The following PHLPP2 variants were observed in gnomAD, a reference collection of about 807,000 sequenced individuals.
PHLPP2 encodes the protein PH domain leucine-rich repeat-containing protein phosphatase 2.
Under a neutral mutation model 124.9 loss-of-function variants are expected in PHLPP2, and 66 were observed. That is an observed-to-expected ratio of 0.53 (90% CI 0.43 to 0.65). PHLPP2 has a LOEUF of 0.65. Ranked by LOEUF, PHLPP2 falls within the 30% of genes least tolerant of loss-of-function variation. The pLI is 0.00. For missense variants in PHLPP2, 1,685 were observed against 1,600.4 expected, an observed-to-expected ratio of 1.05 and a Z score of -0.90; for synonymous variants, 681 against 624.7, an observed-to-expected ratio of 1.09 and a Z score of -1.34.
chr16:71,670,274 A>C (rs776564813), intron 10 of PHLPP2, among the ~76,000 whole-genome samples: 1 of 152,198 alleles, frequency 6.6e-6, no homozygotes, highest in Non-Finnish European at 1.5e-5. Context: ...AACTGCAGTA[A>C]ATGAGGTCAC....
intron 15 of PHLPP2, among the ~76,000 whole-genome samples, chr16:71,657,360 G>T (rs890084108): frequency 6.6e-6 from 1 of 150,464 alleles, no homozygotes; most frequent in African/African-American, 2.4e-5. Context: ...TTACAGGCGT[G>T]AGCCACCACG....
At chr16:71,723,846 GC>G (rs1215609127) in intron 1 of PHLPP2, 7 of 1,224,352 alleles carry the variant, frequency 5.7e-6, no homozygotes, top group South Asian at 2.8e-5. Flanking sequence ...GGGCCCGCGG[GC>G]CCCGGCTCCA....
chr16:71,665,072 G>A (rs913889690), intron 12 of PHLPP2, among the ~76,000 whole-genome samples: 2 of 152,188 alleles, frequency 1.3e-5, no homozygotes, highest in Admixed American at 6.5e-5. Flanking sequence ...CACTTTGGGA[G>A]GCCAAGGTGG....
At chr16:71,664,619 G>A (rs1292580668) in intron 12 of PHLPP2, among the ~76,000 whole-genome samples, 1 of 152,098 alleles carries the variant, frequency 6.6e-6, no homozygotes, top group Non-Finnish European at 1.5e-5. Context: ...GGGTGTGGTG[G>A]TGCACTCCTG....
chr16:71,693,358 A>G (rs1197991222), intron 3 of PHLPP2, among the ~76,000 whole-genome samples: 1 of 152,180 alleles, frequency 6.6e-6, no homozygotes, highest in Non-Finnish European at 1.5e-5. Flanking sequence ...GCTCCTTCTC[A>G]CAACTCAAGC....
intron 14 of PHLPP2, 144 bp from the exon 15 acceptor site, chr16:71,658,507 G>A: frequency 1.7e-6 from 2 of 1,173,860 alleles, no homozygotes; most frequent in Non-Finnish European, 2.4e-6. Context: ...GTCCCAAACT[G>A]GAGCACATAA....
intron 8 of PHLPP2, chr16:71,677,269 G>C (rs1425245224): frequency 6.5e-6 from 1 of 154,152 alleles, no homozygotes; most frequent in Non-Finnish European, 1.4e-5. Context: ...TGGGCACTAA[G>C]TAGGACAAAG....
At chr16:71,688,608 GT>G (rs371183298) in intron 4 of PHLPP2, among the ~76,000 whole-genome samples, 214 of 125,626 alleles carry the variant, frequency 1.7e-3, no homozygotes, top group African/African-American at 2.8e-3. Context: ...TTCTCTGTGG[GT>G]TTTTTTTTTT....
rs111539458 is a variant in PHLPP2 at position 71,672,035 on chromosome 16, T to C, written c.1532+227A>G. 3.4e-3 allele frequency among the ~76,000 whole-genome samples: 513 copies of C among 152,286 alleles called. 4 individuals are homozygous for C. The highest frequency in any genetic ancestry group is 0.012 in the African/African-American group (481 of 41,568). On this transcript the variant is annotated intron_variant, in intron 10 of 18. Transcript: ENST00000568954. Reference sequence around the variant, plus strand: ...TTGTTTGCATCTCATCCTACATCTATAGTCTTTAAGAAAGAGTAATTCACA... The same window carrying C: ...TTGTTTGCATCTCATCCTACATCTACAGTCTTTAAGAAAGAGTAATTCACA...
chr16:71,700,675 G>A (rs1396836234), intron 3 of PHLPP2, among the ~76,000 whole-genome samples: 5 of 151,766 alleles, frequency 3.3e-5, no homozygotes, highest in East Asian at 3.9e-4. Context: ...ATAGGTGCCC[G>A]CCACCAGGCC....
chr16:71,655,014 T>C (rs923868413), intron 17 of PHLPP2: 12 of 488,386 alleles, frequency 2.5e-5, no homozygotes, highest in Admixed American at 2.3e-4. Flanking sequence ...TCCCAGATCC[T>C]CAGCAGCCTT....
At chr16:71,698,180 G>C (rs1279193674) in intron 3 of PHLPP2, among the ~76,000 whole-genome samples, 1 of 152,126 alleles carries the variant, frequency 6.6e-6, no homozygotes, top group Non-Finnish European at 1.5e-5. Flanking sequence ...GCATTAAGAG[G>C]GGGCAGCACA....
chr16:71,720,647 CT>C (rs1025497924), intron 1 of PHLPP2, among the ~76,000 whole-genome samples: 5 of 150,098 alleles, frequency 3.3e-5, no homozygotes, highest in Admixed American at 3.3e-4. Context: ...GGCGGATCAC[CT>C]GAGGCCAGGA....
At chr16:71,681,355 G>A (rs1379460655) in intron 6 of PHLPP2, among the ~76,000 whole-genome samples, 2 of 152,172 alleles carry the variant, frequency 1.3e-5, no homozygotes, top group East Asian at 1.9e-4. Flanking sequence ...GGCAGTGGAA[G>A]GTACAAAGAG....
Position 71,716,005 on chromosome 16 carries a change from A to C in PHLPP2, c.-6-1204T>G, listed in dbSNP as rs984317119. Among the ~76,000 whole-genome samples the C allele has an allele frequency of 2.0e-5, 3 of 151,990 alleles. No homozygotes were observed. In the South Asian group the frequency reaches 6.2e-4, roughly 31 times the overall value. On this transcript the variant is annotated intron_variant, in intron 1 of 18. Coordinates refer to ENST00000568954, the MANE Select transcript of PHLPP2 (RefSeq NM_015020.3). ...AGACTCTGTCTCAAAAAAAAAAAAA[A>C]AACTTTAATCTATAAACCATACACA...
intron 3 of PHLPP2, 59 bp downstream of exon 3, chr16:71,702,539 G>C: frequency 7.2e-7 from 1 of 1,392,100 alleles, no homozygotes; most frequent in East Asian, 2.3e-5. Flanking sequence ...CGGCAGATAA[G>C]AGGCACAAAT....
rs756924434 is a variant in PHLPP2, at chr16:71,648,919, G to T, written c.3943C>A (p.Pro1315Thr). The stretch of plus-strand genomic sequence containing the variant: ...AGTGCTGTGTCGAACTCCTCCGGGG[G>T]CTCGGTCCGATCCTCTTCATGGGGC... ...PEPHEEDRTE[P>T]PEEFDTAL The change falls in exon 19 of 19, where the codon CCC becomes ACC. Residue 1315 changes from proline (P) to threonine (T), a missense_variant. Transcript: ENST00000568954. 1 of 1,612,546 alleles carries T rather than the reference G, an allele frequency of 6.2e-7. No individual in the cohort carries two copies. The highest frequency in any genetic ancestry group is 1.3e-5 in the African/African-American group (1 of 74,886).
intron 3 of PHLPP2, among the ~76,000 whole-genome samples, chr16:71,695,238 C>G (rs2045157866): frequency 6.6e-6 from 1 of 152,086 alleles, no homozygotes. Context: ...AACCTATAAC[C>G]CAATAATTTC....
intron 11 of PHLPP2, among the ~76,000 whole-genome samples, chr16:71,669,030 C>A (rs1339207797): frequency 6.6e-6 from 1 of 152,176 alleles, no homozygotes; most frequent in South Asian, 2.1e-4. Context: ...GGCAGCAACT[C>A]TTAGTGTATT....
Sources: allele counts gnomAD v4.1 joint callset (sites outside exome capture counted in the v4.1 genomes callset), GRCh38; gene constraint gnomAD v4.1.1; transcripts MANE v1.5; gene names NCBI Gene and HGNC (gene_info 2026-07-23, HGNC 2026-07-21).